The following GALNT1 variants were observed in gnomAD, a reference collection of about 807,000 sequenced individuals.
The protein encoded by GALNT1 is GalNAc transferase 1.
Under a neutral mutation model 65.7 loss-of-function variants are expected in GALNT1, and 17 were observed. That is an observed-to-expected ratio of 0.26 (90% CI 0.18 to 0.39). GALNT1 has a LOEUF of 0.39. Among genes scored for constraint, GALNT1 ranks in the 10% least tolerant of loss-of-function variants. GALNT1 has a pLI of 1.00. For missense variants in GALNT1, 460 were observed against 672.8 expected, an observed-to-expected ratio of 0.68 and a Z score of 3.50; for synonymous variants, 210 against 219.7, an observed-to-expected ratio of 0.96 and a Z score of 0.39.
At chr18:35,628,857 CAG>C (rs1414364196) in intron 1 of GALNT1, among the ~76,000 whole-genome samples, 2 of 152,150 alleles carry the variant, frequency 1.3e-5, no homozygotes, top group East Asian at 3.9e-4. Flanking sequence ...ATAACCAATG[CAG>C]AGAAGTCCTT....
chr18:35,699,483 T>C (rs564316829), intron 9 of GALNT1, among the ~76,000 whole-genome samples: 2 of 152,306 alleles, frequency 1.3e-5, no homozygotes, highest in South Asian at 4.1e-4. Flanking sequence ...AAGAGGTGAC[T>C]TGAAAGGAGT....
chr18:35,632,543 CTT>C (rs1220458431), intron 1 of GALNT1, among the ~76,000 whole-genome samples: 3 of 152,046 alleles, frequency 2.0e-5, no homozygotes, highest in African/African-American at 7.2e-5. Flanking sequence ...TTATACAAAA[CTT>C]AATTCAAGAT....
At chr18:35,584,443 T>G (rs746288263) in intron 1 of GALNT1, among the ~76,000 whole-genome samples, 5 of 152,006 alleles carry the variant, frequency 3.3e-5, no homozygotes, top group Non-Finnish European at 5.9e-5. Context: ...AGAGGAGAGA[T>G]CAGTTAAAAG....
Position 35,702,974 on chromosome 18 carries a change from C to T in GALNT1, c.1377C>T (p.Cys459=), listed in dbSNP as rs2048190206. 1 of 1,606,578 alleles carries T rather than the reference C, an allele frequency of 6.2e-7. No homozygotes were observed. The highest frequency in any genetic ancestry group is 8.5e-7 in the Non-Finnish European group (1 of 1,175,730). Residue 459 remains cysteine, a synonymous_variant, in exon 10 of 12, where the codon TGC becomes TGT. Transcript: ENST00000269195. ...ATGAAAAAGTTGGAATTTTTAATTG[C>T]CATGGTATGGGGGGTAATCAGGTGA... is the stretch of plus-strand genomic sequence containing the variant. The part of the protein sequence containing the change: ...KENEKVGIFN[C]HGMGGNQVFS...
intron 4 of GALNT1, among the ~76,000 whole-genome samples, chr18:35,681,157 C>G (rs1002622933): frequency 6.6e-6 from 1 of 152,124 alleles, no homozygotes; most frequent in African/African-American, 2.4e-5. Context: ...TGTTCACACT[C>G]TCTGACAACC....
chr18:35,632,793 T>C (rs1246996134), intron 1 of GALNT1, among the ~76,000 whole-genome samples: 1 of 152,078 alleles, frequency 6.6e-6, no homozygotes, highest in African/African-American at 2.4e-5. Flanking sequence ...ATTTTTGCAA[T>C]CTACCCATCT....
intron 1 of GALNT1, among the ~76,000 whole-genome samples, chr18:35,626,550 G>T (rs1405830218): frequency 6.6e-6 from 1 of 152,050 alleles, no homozygotes; most frequent in African/African-American, 2.4e-5. Context: ...AATAATTATA[G>T]GTTGCAGATT....
At position 35,663,683 on chromosome 18, in the gene GALNT1, C is replaced by A; in HGVS notation, c.195C>A (p.Val65=). 1.2e-6 allele frequency: 2 copies of A among 1,613,900 alleles called. No homozygotes were observed. Among genetic ancestry groups the A allele is most frequent in the South Asian group, 2.2e-5 (2 of 91,054 alleles). The change falls in exon 3 of 12, where the codon GTC becomes GTA. Residue 65 remains valine, a synonymous_variant. Transcript: ENST00000269195. ...GTCCTGGAGAAATGGGGAAACCAGT[C>A]GTCATTCCTAAAGAGGATCAAGAAA... ...HEGPGEMGKP[V]VIPKEDQEKM...
At chr18:35,588,055 C>A (rs1189471718) in intron 1 of GALNT1, among the ~76,000 whole-genome samples, 1 of 152,066 alleles carries the variant, frequency 6.6e-6, no homozygotes, top group Non-Finnish European at 1.5e-5. Flanking sequence ...GTTTTACAGC[C>A]CAGAATATGG....
intron 2 of GALNT1, 123 bp from the exon 3 acceptor site, chr18:35,663,505 G>C: frequency 1.1e-6 from 1 of 926,872 alleles, no homozygotes; most frequent in Admixed American, 2.8e-5. Context: ...CCTAGGAGAG[G>C]GTGGGCTCAG....
chr18:35,649,351 G>A (rs534920896), intron 1 of GALNT1, among the ~76,000 whole-genome samples: 2 of 152,226 alleles, frequency 1.3e-5, no homozygotes, highest in African/African-American at 4.8e-5. Context: ...GGCTTTTTTG[G>A]TAAAGTGACA....
chr18:35,611,475 C>T (rs1490468181), intron 1 of GALNT1, among the ~76,000 whole-genome samples: 2 of 152,066 alleles, frequency 1.3e-5, no homozygotes, highest in East Asian at 3.9e-4. Flanking sequence ...TTGCAGCAAC[C>T]TTAGAGAAAT....
At position 35,663,819 on chromosome 18, in the gene GALNT1, G is replaced by A; in HGVS notation, c.314+17G>A. 1 of 1,605,550 alleles carries A rather than the reference G, an allele frequency of 6.2e-7. No homozygotes were observed. Among genetic ancestry groups the A allele is most frequent in the South Asian group, 1.1e-5 (1 of 90,026 alleles). On this transcript the variant is annotated intron_variant, in intron 3 of 11. Coordinates refer to ENST00000269195, the MANE Select transcript of GALNT1 (RefSeq NM_020474.4). ...GTTAGAAGGGTAAGTACTTACTGTG[G>A]TCCTGATAGTATGTGAATGAAAAGT... is the stretch of plus-strand genomic sequence containing the variant.
intron 1 of GALNT1, among the ~76,000 whole-genome samples, chr18:35,643,139 G>A (rs1214891026): frequency 2.0e-5 from 3 of 152,060 alleles, no homozygotes; most frequent in Non-Finnish European, 2.9e-5. Flanking sequence ...TCATGAGCCC[G>A]GCAGCCACTT....
chr18:35,657,680 A>G (rs1285325371), intron 2 of GALNT1, among the ~76,000 whole-genome samples: 1 of 152,094 alleles, frequency 6.6e-6, no homozygotes, highest in African/African-American at 2.4e-5. Context: ...ACCTAAAATA[A>G]AGTGTTTCTG....
intron 1 of GALNT1, among the ~76,000 whole-genome samples, chr18:35,647,874 G>C (rs866947839): frequency 6.6e-6 from 1 of 151,928 alleles, no homozygotes; most frequent in African/African-American, 2.4e-5. Flanking sequence ...GGAAAATTTG[G>C]CATGTGATAT....
chr18:35,658,474 A>G (rs1299051507), intron 2 of GALNT1, among the ~76,000 whole-genome samples: 1 of 151,816 alleles, frequency 6.6e-6, no homozygotes, highest in African/African-American at 2.4e-5. Context: ...TGATGCTAAT[A>G]AGCAACAGTT....
intron 11 of GALNT1, among the ~76,000 whole-genome samples, chr18:35,707,661 C>A (rs1022720862): frequency 6.6e-6 from 1 of 152,128 alleles, no homozygotes; most frequent in African/African-American, 2.4e-5. Context: ...GAGTGAAATG[C>A]ACATTTTTAG....
intron 1 of GALNT1, among the ~76,000 whole-genome samples, chr18:35,647,505 ATAATC>A (rs2047246179): frequency 6.6e-6 from 1 of 152,234 alleles, no homozygotes; most frequent in Non-Finnish European, 1.5e-5. Flanking sequence ...AATTAATAAA[ATAATC>A]TAGGCTCTTT....
Sources: gnomAD v4.1 joint callset for allele counts (sites outside exome capture counted in the v4.1 genomes callset) on GRCh38, gnomAD v4.1.1 for gene constraint, MANE v1.5 for transcripts, NCBI Gene and HGNC (gene_info 2026-07-23, HGNC 2026-07-21) for gene names.